RARB: variants seen among roughly 807,000 people sequenced by gnomAD.
The protein encoded by RARB is HBV-activated protein.
RARB carries 17 observed loss-of-function variants against 51.9 expected under a neutral mutation model. The ratio of observed to expected loss-of-function variants is 0.33; its 90% CI spans 0.22 to 0.49. The LOEUF (loss-of-function observed/expected upper bound fraction) is 0.49. RARB is among the 20% of genes least tolerant of loss of function. RARB has a pLI of 0.99. For synonymous variants in RARB, 215 were observed against 195.4 expected (o/e 1.10, Z -0.84); for missense variants, 369 against 550.8 (o/e 0.67, Z 3.30).
rs932317887 is a variant in RARB, at chr3:25,596,824, T to A, written c.*208T>A. 1 of 409,214 alleles carries A rather than the reference T, an allele frequency of 2.4e-6. No homozygotes were observed. The highest frequency in any genetic ancestry group is 1.0e-4 in the South Asian group (1 of 9,702). 25.3% of individuals were successfully genotyped at this position (409,214 alleles called of 1,614,324 possible). On this transcript the variant is annotated 3_prime_UTR_variant, in exon 8 of 8. Coordinates refer to ENST00000330688, the MANE Select transcript of RARB (RefSeq NM_000965.5). ...TACAAACTTTTCCAATTTTAAAAAA[T>A]CAGCCATTTCATGCAACCAGAAACT...
intron 5 of RARB, among the ~76,000 whole-genome samples, chr3:25,226,037 G>A (rs1702049248): frequency 6.6e-6 from 1 of 152,204 alleles, no homozygotes; most frequent in South Asian, 2.1e-4. Flanking sequence ...AATTATAATT[G>A]ATAAAGGCAA....
At chr3:25,089,685 C>T (rs569343906) in intron 3 of RARB, among the ~76,000 whole-genome samples, 8 of 152,146 alleles carry the variant, frequency 5.3e-5, no homozygotes, top group African/African-American at 1.9e-4. Flanking sequence ...TGTTTTATCT[C>T]AGTGAGGTTC....
chr3:25,583,166 C>A (rs1434787697), intron 5 of RARB, among the ~76,000 whole-genome samples: 1 of 152,194 alleles, frequency 6.6e-6, no homozygotes, highest in Admixed American at 6.5e-5. Context: ...CCATTTGGCC[C>A]TAGGCAAGAG....
intron 3 of RARB, among the ~76,000 whole-genome samples, chr3:25,117,799 G>A (rs1183419326): frequency 6.6e-6 from 1 of 152,072 alleles, no homozygotes; most frequent in Non-Finnish European, 1.5e-5. Flanking sequence ...ATACACCAAA[G>A]AAATTAATTA....
At chr3:25,157,546 G>A (rs1159269160) in intron 4 of RARB, among the ~76,000 whole-genome samples, 1 of 137,488 alleles carries the variant, frequency 7.3e-6, no homozygotes, top group African/African-American at 2.7e-5. Flanking sequence ...ACAGGCGTGA[G>A]CCACCAACAC....
At chr3:25,357,335 A>G (rs1160691098) in intron 5 of RARB, among the ~76,000 whole-genome samples, 4 of 152,150 alleles carry the variant, frequency 2.6e-5, no homozygotes, top group Non-Finnish European at 4.4e-5. Context: ...ATCTGCTCAT[A>G]TCCTTCTCCC....
At chr3:25,023,491 A>T (rs1276140527) in intron 2 of RARB, among the ~76,000 whole-genome samples, 1 of 69,096 alleles carries the variant, frequency 1.4e-5, no homozygotes, top group Non-Finnish European at 3.0e-5. Flanking sequence ...CACAGGATAC[A>T]CCGACGCAGC....
intron 5 of RARB, among the ~76,000 whole-genome samples, chr3:25,361,828 T>C (rs1705945764): frequency 1.3e-5 from 2 of 152,198 alleles, no homozygotes; most frequent in South Asian, 2.1e-4. Flanking sequence ...ACAGCAAAGA[T>C]TGCTGCTTTC....
At position 24,969,828 on chromosome 3, in the gene RARB, C is replaced by T. The variant is rs143696839; in HGVS notation, c.-379-90297C>T. On this transcript the variant is annotated intron_variant, in intron 2 of 11. Transcript: ENST00000383772. ...AGTGGTGTGTCCATTTACACCATTACAGTTTCATTGTTAAATATACTTTTA... is the reference window on the plus strand; with the variant it reads ...AGTGGTGTGTCCATTTACACCATTATAGTTTCATTGTTAAATATACTTTTA... Among the ~76,000 whole-genome samples the T allele has an allele frequency of 5.9e-3, 893 of 152,202 alleles. 13 individuals carry two copies. The highest frequency in any genetic ancestry group is 0.024 in the Middle Eastern group (7 of 294).
At chr3:25,036,248 T>G (rs1298978289) in intron 2 of RARB, among the ~76,000 whole-genome samples, 4 of 152,156 alleles carry the variant, frequency 2.6e-5, no homozygotes, top group African/African-American at 4.8e-5. Flanking sequence ...TAGACATCTT[T>G]AGCTCCCTCT....
chr3:25,304,207 T>C (rs993755306), intron 5 of RARB, among the ~76,000 whole-genome samples: 3 of 152,190 alleles, frequency 2.0e-5, no homozygotes, highest in Non-Finnish European at 2.9e-5. Context: ...ATCCCAGCTG[T>C]ACTGGGCTCC....
intron 2 of RARB, among the ~76,000 whole-genome samples, chr3:24,920,440 T>A (rs1695194355): frequency 6.6e-6 from 1 of 152,272 alleles, no homozygotes; most frequent in South Asian, 2.1e-4. Context: ...CATACCCATT[T>A]CATCTCCAAT....
In RARB at chr3:25,594,660, C is replaced by T. The variant is rs759614000; in HGVS notation, c.1132C>T (p.Arg378Cys). 13 of 1,612,776 alleles carry T rather than the reference C, an allele frequency of 8.1e-6. No individual in the cohort carries two copies. The highest frequency in any genetic ancestry group is 2.2e-5 in the East Asian group (1 of 44,858). The change falls in exon 7 of 8, where the codon CGT becomes TGT. Residue 378 changes from arginine to cysteine, a missense_variant. Coordinates refer to ENST00000330688, the MANE Select transcript of RARB (RefSeq NM_000965.5). ...PKILMKITDL[R>C]SISAKGAERV... is the part of the protein sequence containing the mutation. ...GATCTTAATGAAAATCACAGATCTC[C>T]GTAGCATCAGTGCTAAAGGTATGTC...
At chr3:24,866,929 T>C (rs1702859806) in intron 2 of RARB, among the ~76,000 whole-genome samples, 1 of 151,998 alleles carries the variant, frequency 6.6e-6, no homozygotes, top group Admixed American at 6.6e-5. Flanking sequence ...TTGCTGATGA[T>C]TGACTGGGGG....
At chr3:25,522,669 G>T (rs944131352) in intron 3 of RARB, among the ~76,000 whole-genome samples, 4 of 152,092 alleles carry the variant, frequency 2.6e-5, no homozygotes, top group African/African-American at 4.8e-5. Context: ...CACTGGAAAG[G>T]CTTGGCCCAG....
chr3:25,546,095 C>T (rs551284520), intron 3 of RARB, among the ~76,000 whole-genome samples: 1 of 151,904 alleles, frequency 6.6e-6, no homozygotes, highest in Non-Finnish European at 1.5e-5. Context: ...AGTGCAGAAG[C>T]GCTTAGCTAG....
chr3:25,244,867 T>C (rs1446680303), intron 5 of RARB, among the ~76,000 whole-genome samples: 3 of 152,184 alleles, frequency 2.0e-5, no homozygotes, highest in Non-Finnish European at 4.4e-5. Flanking sequence ...CAAATATCCT[T>C]GTTAATTTTC....
intron 4 of RARB, among the ~76,000 whole-genome samples, chr3:25,170,371 G>A (rs745602484): frequency 3.9e-5 from 6 of 152,022 alleles, no homozygotes; most frequent in Non-Finnish European, 5.9e-5. Flanking sequence ...TAGCTGCATC[G>A]GAGTCCTCTG....
chr3:25,238,619 C>A (rs1365390016), intron 5 of RARB, among the ~76,000 whole-genome samples: 1 of 152,092 alleles, frequency 6.6e-6, no homozygotes, highest in Non-Finnish European at 1.5e-5. Flanking sequence ...CTTTACATCC[C>A]CACCAATGGT....
Sources: gnomAD v4.1 joint callset for allele counts (sites outside exome capture counted in the v4.1 genomes callset) on GRCh38, gnomAD v4.1.1 for gene constraint, MANE v1.5 for transcripts, NCBI Gene and HGNC (gene_info 2026-07-23, HGNC 2026-07-21) for gene names.